COL2A1: variants seen among roughly 807,000 people sequenced by gnomAD.
COL2A1 encodes the protein collagen alpha-1(II) chain.
COL2A1 carries 28 observed loss-of-function variants against 204.5 expected under a neutral mutation model. The observed-to-expected ratio is 0.14, with a 90% confidence interval of 0.10 to 0.19. The LOEUF is 0.19. Among genes scored for constraint, COL2A1 ranks in the 10% least tolerant of loss-of-function variants. COL2A1 has a pLI of 1.00. For missense variants in COL2A1, 1,388 were observed against 2,027.5 expected (o/e 0.68, Z 6.06); for synonymous variants, 708 against 718.7 (o/e 0.99, Z 0.24).
At chr12:47,994,384 G>A (rs745829863) in intron 12 of COL2A1, 40 bp downstream of exon 12, 13 of 1,611,312 alleles carry the variant, frequency 8.1e-6, no homozygotes, top group Admixed American at 6.7e-5. Context: ...GGAGGGAGAC[G>A]CTAGGAAAGA....
Position 47,992,950 on chromosome 12 carries a change from C to A in COL2A1, c.970-19G>T. ...GAGGACCCTGGAACACACACCAGGA[C>A]AGCCTAAGCATGAGTTGGCTTTACG... is the stretch of plus-strand genomic sequence containing the variant. On this transcript the variant is annotated intron_variant, in intron 15 of 53. Transcript: ENST00000380518. 6.2e-7 allele frequency: 1 copy of A among 1,613,870 alleles called. No homozygotes were observed. Among genetic ancestry groups the A allele is most frequent in the Non-Finnish European group, 8.5e-7 (1 of 1,179,756 alleles).
intron 36 of COL2A1, 44 bp from the exon 37 acceptor site, chr12:47,981,440 G>A: frequency 6.4e-7 from 1 of 1,570,468 alleles, no homozygotes; most frequent in Non-Finnish European, 8.7e-7. Flanking sequence ...AGAAGGTGGG[G>A]AGGCAGAGTG....
In COL2A1 at chr12:47,977,003, C is replaced by T. The variant is rs888306165; in HGVS notation, c.3328-84G>A. The T allele has an allele frequency of 1.5e-5, 23 of 1,538,350 alleles. No homozygotes were observed. The East Asian group carries it at 1.6e-4, about 11-fold the overall frequency. The stretch of plus-strand genomic sequence containing the variant: ...TGTCCCACCCAAGCTGAGGAATCCC[C>T]GGAAACACAGGGCTGGAGGCCCAGG... On this transcript the variant is annotated intron_variant, in intron 47 of 53. Transcript: ENST00000380518.
chr12:47,985,672 A>G (rs1939355499), intron 25 of COL2A1, 56 bp downstream of exon 25: 1 of 1,609,798 alleles, frequency 6.2e-7, no homozygotes, highest in South Asian at 1.1e-5. Flanking sequence ...GGAAGGAGCC[A>G]GCCAGGAAGG....
chr12:47,985,248 T>C (rs1227409753), intron 26 of COL2A1, among the ~76,000 whole-genome samples, 155 bp from the exon 27 acceptor site: 1 of 152,156 alleles, frequency 6.6e-6, no homozygotes, highest in Non-Finnish European at 1.5e-5. Flanking sequence ...TGGGCCCATC[T>C]ACAACAAGAC....
chr12:47,984,302 C>T (rs1266883286), intron 28 of COL2A1, among the ~76,000 whole-genome samples, 162 bp from the exon 29 acceptor site: 1 of 152,230 alleles, frequency 6.6e-6, no homozygotes, highest in Non-Finnish European at 1.5e-5. Context: ...TTCCCAGGCC[C>T]CGTCTTTTCT....
rs1592218346 is a variant in COL2A1, at chr12:47,986,201, C to T, written c.1527+135G>A. On this transcript the variant is annotated intron_variant, in intron 23 of 53. Coordinates refer to ENST00000380518, the MANE Select transcript of COL2A1 (RefSeq NM_001844.5). ...AAATCAGGATCAGACTCCCTCTCCCCGCGGTGTGGATGGAGAAAGAGGAGG... is the reference window on the plus strand; with the variant it reads ...AAATCAGGATCAGACTCCCTCTCCCTGCGGTGTGGATGGAGAAAGAGGAGG... 1 of 766,392 alleles carries T rather than the reference C, an allele frequency of 1.3e-6. No homozygotes were observed. The highest frequency in any genetic ancestry group is 2.3e-6 in the Non-Finnish European group (1 of 436,882). 47.5% of individuals were successfully genotyped at this position (766,392 alleles called of 1,614,324 possible). A position where few individuals can be genotyped will look rare whatever the true frequency, so the allele number is the denominator to read the frequency against.
chr12:47,982,498 T>A lies in COL2A1; in HGVS notation c.2301+4A>T, dbSNP rs766483608. On this transcript the variant is annotated splice_donor_region_variant and intron_variant, in intron 34 of 53. Coordinates refer to ENST00000380518, the MANE Select transcript of COL2A1 (RefSeq NM_001844.5). ...TGGTGAGAGGCTGTAACCTCAGTACTTACCCTGTCGCCTTTGGGCCCAGCG... is the reference window on the plus strand; with the variant it reads ...TGGTGAGAGGCTGTAACCTCAGTACATACCCTGTCGCCTTTGGGCCCAGCG... 6.8e-6 allele frequency: 11 copies of A among 1,611,024 alleles called. No individual in the cohort carries two copies. In the African/African-American group the frequency reaches 8.0e-5, roughly 12 times the overall value.
At chr12:47,984,673 A>G in intron 27 of COL2A1, 74 bp from the exon 28 acceptor site, 4 of 1,401,450 alleles carry the variant, frequency 2.9e-6, no homozygotes, top group South Asian at 1.2e-5. Flanking sequence ...GGCTGCAGGG[A>G]CTGAGGCCTG....
At position 47,980,031 on chromosome 12, in the gene COL2A1, G is replaced by T; in HGVS notation, c.2657C>A (p.Ala886Asp). 1 of 1,555,346 alleles carries T rather than the reference G, an allele frequency of 6.4e-7. No individual in the cohort carries two copies. The highest frequency in any genetic ancestry group is 1.2e-5 in the South Asian group (1 of 84,254). ...CACCGGGGGGCCTTGGGCACCTCGG[G>T]CTCCTTTAGGACCAGTCACTCCAGT... ...GPTGVTGPKG[A>D]RGAQGPPGAT... Residue 886 changes from alanine (A) to aspartate (D), a missense_variant, in exon 40 of 54, where the codon GCC becomes GAC. Coordinates refer to ENST00000380518, the MANE Select transcript of COL2A1 (RefSeq NM_001844.5). The surrounding 1 kb of genome is among the most constrained non-coding windows in gnomAD (Gnocchi z 4.5).
rs1939862453 is a variant in COL2A1, at chr12:47,994,595, C to A, written c.763-118G>T. 5 of 994,750 alleles carry A rather than the reference C, an allele frequency of 5.0e-6. No homozygotes were observed. In the Admixed American group the frequency reaches 9.7e-5, roughly 19 times the overall value. The allele number at this position is 994,750 out of a possible 1,614,324, so 61.6% of individuals were successfully genotyped here. A position where few individuals can be genotyped will look rare whatever the true frequency, so the allele number is the denominator to read the frequency against. On this transcript the variant is annotated intron_variant, in intron 11 of 53. Coordinates refer to ENST00000380518, the MANE Select transcript of COL2A1 (RefSeq NM_001844.5). ...TGCCTTTGCCTACCGGCTCACTCATCTCCCTCACCTCCTTCAGACTCCACG... is the reference window on the plus strand; with the variant it reads ...TGCCTTTGCCTACCGGCTCACTCATATCCCTCACCTCCTTCAGACTCCACG...
chr12:47,974,185 G>C lies in COL2A1; in HGVS notation c.4221C>G (p.Leu1407=), dbSNP rs771307718. The change falls in exon 53 of 54, where the codon CTC becomes CTG. Residue 1407 remains leucine (L), a synonymous_variant. Transcript: ENST00000380518. The part of the protein sequence containing the change: ...IAYLDEAAGN[L]KKALLIQGSN... ...AGCCCTGGATGAGCAGGGCCTTCTTGAGGTTGCCAGCTGCTTCGTCCAGAT... is the reference window on the plus strand; with the variant it reads ...AGCCCTGGATGAGCAGGGCCTTCTTCAGGTTGCCAGCTGCTTCGTCCAGAT... 15 of 1,614,130 alleles carry C rather than the reference G, an allele frequency of 9.3e-6. 1 individual carries two copies. In the African/African-American group the frequency reaches 1.6e-4, roughly 17 times the overall value.
chr12:47,987,422 G>C lies in COL2A1; in HGVS notation c.1222-109C>G, dbSNP rs1233643942. On this transcript the variant is annotated intron_variant, in intron 19 of 53. Coordinates refer to ENST00000380518, the MANE Select transcript of COL2A1 (RefSeq NM_001844.5). This position sits in a 1 kb window ranked among gnomAD's most constrained non-coding sequence, Gnocchi z 4.1. ...TGGCATAGGTGCTGTCCATTTCAGG[G>C]ACATTCCCACTATGTGTTTCAAGGG... 6 of 1,239,884 alleles carry C rather than the reference G, an allele frequency of 4.8e-6. No homozygotes were observed. Among genetic ancestry groups the C allele is most frequent in the East Asian group, 2.4e-5 (1 of 42,298 alleles). The allele number at this position is 1,239,884 out of a possible 1,614,324, so 76.8% of individuals were successfully genotyped here. A position where few individuals can be genotyped will look rare whatever the true frequency, so the allele number is the denominator to read the frequency against.
intron 36 of COL2A1, 111 bp downstream of exon 36, chr12:47,981,665 G>T: frequency 7.7e-7 from 1 of 1,292,850 alleles, no homozygotes; most frequent in Non-Finnish European, 1.1e-6. Flanking sequence ...TACGGCCTTG[G>T]CCGAGGGTGA....
intron 34 of COL2A1, 87 bp from the exon 35 acceptor site, chr12:47,982,247 G>C: frequency 8.2e-7 from 1 of 1,225,480 alleles, no homozygotes. Flanking sequence ...GGGTGCTAGG[G>C]AAAGCCCAGT....
chr12:47,978,951 G>A lies in COL2A1; in HGVS notation c.2734-193C>T, dbSNP rs1258109136. Among the ~76,000 whole-genome samples the A allele has an allele frequency of 6.6e-6, 1 of 151,828 alleles. No homozygotes were observed. On this transcript the variant is annotated intron_variant, in intron 41 of 53. Coordinates refer to ENST00000380518, the MANE Select transcript of COL2A1 (RefSeq NM_001844.5). This position sits in a 1 kb window ranked among gnomAD's most constrained non-coding sequence, Gnocchi z 5.5. ...CCTTCTCACCATGTGAGACAGCTCT[G>A]GGCAGACAGCCCCAACTTCTCCAGC...
rs376722458 is a variant in COL2A1, at chr12:47,977,615, G to A, written c.3150C>T (p.Gly1050=). The A allele has an allele frequency of 3.3e-5, 53 of 1,613,882 alleles. No homozygotes were observed. Among genetic ancestry groups the A allele is most frequent in the South Asian group, 6.6e-5 (6 of 91,078 alleles). The change falls in exon 45 of 54, where the codon GGC becomes GGT. Residue 1050 remains glycine, a synonymous_variant. Transcript: ENST00000380518. ...AGACACTCACCTTGACTCCAGCAGCGCCATCTCTGCCAGGGGGGCCATCAG... is the reference window on the plus strand; with the variant it reads ...AGACACTCACCTTGACTCCAGCAGCACCATCTCTGCCAGGGGGGCCATCAG... The part of the protein sequence containing the change: ...PGADGPPGRD[G]AAGVKGDRGE...
chr12:47,975,668 C>A, intron 50 of COL2A1, 63 bp from the exon 51 acceptor site: 1 of 1,549,592 alleles, frequency 6.5e-7, no homozygotes, highest in South Asian at 1.1e-5. Flanking sequence ...TGTCCATCCC[C>A]ATTTGCTAGA....
At chr12:47,992,724 C>T (rs533190890) in intron 16 of COL2A1, among the ~76,000 whole-genome samples, 154 bp downstream of exon 16, 29 of 152,244 alleles carry the variant, frequency 1.9e-4, no homozygotes, top group South Asian at 1.2e-3. Context: ...CAGACTCAGC[C>T]TGGGAAGTTT....
Sources: allele counts gnomAD v4.1 joint callset (sites outside exome capture counted in the v4.1 genomes callset), GRCh38; gene constraint gnomAD v4.1.1; non-coding constraint Gnocchi (gnomAD v3.1); transcripts MANE v1.5; gene names NCBI Gene and HGNC (gene_info 2026-07-23, HGNC 2026-07-21).